PRKD1: variants seen among roughly 807,000 people sequenced by gnomAD.
PRKD1 encodes the protein protein kinase D1.
In PRKD1, 63 loss-of-function variants were observed where a neutral mutation model predicts 95.9. The observed-to-expected ratio is 0.66, with a 90% confidence interval of 0.54 to 0.81. The LOEUF (loss-of-function observed/expected upper bound fraction) is 0.81, where lower values mean the gene tolerates loss of function less well. PRKD1 is among the 30% of genes least tolerant of loss of function. The pLI, the probability that PRKD1 is intolerant of heterozygous loss-of-function variation, is 0.00. For synonymous variants in PRKD1, 425 were observed against 423.1 expected, an observed-to-expected ratio of 1.00 and a Z score of -0.05; for missense variants, 1,048 against 1,165.3, an observed-to-expected ratio of 0.90 and a Z score of 1.47.
At chr14:29,888,920 G>C (rs1331107310) in intron 1 of PRKD1, among the ~76,000 whole-genome samples, 2 of 152,146 alleles carry the variant, frequency 1.3e-5, no homozygotes, top group African/African-American at 4.8e-5. Context: ...GAGTAAAGCT[G>C]GGCAAAGCTA....
In PRKD1 at chr14:29,578,621, T is replaced by A. The variant is rs1040677415; in HGVS notation, c.2435-261A>T. On this transcript the variant is annotated intron_variant, in intron 16 of 17. Transcript: ENST00000331968. The stretch of plus-strand genomic sequence containing the variant: ...AGAAGTATTAGAGTCTATTGTATGA[T>A]ATGAATTTCAATTGGTCTACTCTTT... 4.7e-5 allele frequency among the ~76,000 whole-genome samples: 7 copies of A among 150,160 alleles called. No individual in the cohort carries two copies. The East Asian group carries it at 1.4e-3, about 29-fold the overall frequency.
chr14:29,663,148 C>CATATATATAT (rs61506580), intron 4 of PRKD1, among the ~76,000 whole-genome samples: 15,382 of 131,204 alleles, frequency 0.12, 973 homozygotes, highest in Admixed American at 0.14. Flanking sequence ...AATATTCTTC[C>CATATATATAT]ATATATATAT....
chr14:29,746,788 T>C (rs1030038676), intron 1 of PRKD1, among the ~76,000 whole-genome samples: 10 of 152,304 alleles, frequency 6.6e-5, no homozygotes, highest in African/African-American at 2.4e-4. Context: ...CCTATTTTGA[T>C]ACCAACATTA....
At chr14:29,884,221 A>T (rs1171649516) in intron 1 of PRKD1, among the ~76,000 whole-genome samples, 1 of 152,222 alleles carries the variant, frequency 6.6e-6, no homozygotes, top group Non-Finnish European at 1.5e-5. Flanking sequence ...TGCAATTTGT[A>T]TACAATTTTT....
intron 1 of PRKD1, among the ~76,000 whole-genome samples, chr14:29,886,997 T>C (rs1460576157): frequency 3.3e-5 from 5 of 152,234 alleles, no homozygotes; most frequent in African/African-American, 1.2e-4. Context: ...AAGGAACTTG[T>C]GCACATCTCA....
chr14:29,829,587 C>A (rs551329023), intron 1 of PRKD1, among the ~76,000 whole-genome samples: 1 of 152,156 alleles, frequency 6.6e-6, no homozygotes, highest in Non-Finnish European at 1.5e-5. Context: ...TTGTTTCTAG[C>A]TACTCTTGAT....
chr14:29,632,358 T>C (rs1414694151), intron 9 of PRKD1, among the ~76,000 whole-genome samples: 1 of 151,968 alleles, frequency 6.6e-6, no homozygotes, highest in African/African-American at 2.4e-5. Flanking sequence ...AGTTGTGTTT[T>C]ACTGGGTGAT....
At chr14:29,579,234 A>G (rs1047564792) in intron 16 of PRKD1, among the ~76,000 whole-genome samples, 1 of 152,002 alleles carries the variant, frequency 6.6e-6, no homozygotes, top group Non-Finnish European at 1.5e-5. Flanking sequence ...TACGTCATTA[A>G]TAGTTCATTA....
chr14:29,838,039 T>C (rs988339983), intron 1 of PRKD1, among the ~76,000 whole-genome samples: 1 of 152,182 alleles, frequency 6.6e-6, no homozygotes, highest in Non-Finnish European at 1.5e-5. Context: ...CACGAAACTG[T>C]ACAGCACAAA....
chr14:29,696,066 T>C (rs1489984795), intron 2 of PRKD1, among the ~76,000 whole-genome samples: 1 of 152,218 alleles, frequency 6.6e-6, no homozygotes, highest in East Asian at 1.9e-4. Context: ...TTGCAATTTC[T>C]GAAAGATAAA....
chr14:29,826,700 CATATATACACATATATATAT>C (rs1594554048), intron 1 of PRKD1, among the ~76,000 whole-genome samples: 86 of 28,680 alleles, frequency 3.0e-3, no homozygotes, highest in East Asian at 5.8e-3. Flanking sequence ...CATATATATA[CATATATACACATATATATAT>C]ACATATATAT....
At chr14:29,841,618 T>C (rs1229312141) in intron 1 of PRKD1, among the ~76,000 whole-genome samples, 1 of 152,216 alleles carries the variant, frequency 6.6e-6, no homozygotes, top group Non-Finnish European at 1.5e-5. Flanking sequence ...GCCATGATTA[T>C]GAGGCCTCCC....
intron 16 of PRKD1, among the ~76,000 whole-genome samples, chr14:29,581,925 T>G (rs747688796): frequency 4.6e-5 from 7 of 152,200 alleles, no homozygotes; most frequent in Admixed American, 1.3e-4. Context: ...CCAGGCCTAT[T>G]AATTATTCTT....
intron 1 of PRKD1, among the ~76,000 whole-genome samples, chr14:29,868,719 G>A (rs1160120067): frequency 2.6e-5 from 4 of 152,070 alleles, no homozygotes; most frequent in Non-Finnish European, 5.9e-5. Flanking sequence ...TTTTTAAAAA[G>A]CAAAAATTGA....
At position 29,725,625 on chromosome 14, in the gene PRKD1, C is replaced by A; in HGVS notation, c.314G>T (p.Arg105Leu). 1 of 1,613,270 alleles carries A rather than the reference C, an allele frequency of 6.2e-7. No individual in the cohort carries two copies. The highest frequency in any genetic ancestry group is 8.5e-7 in the Non-Finnish European group (1 of 1,179,554). ...YGMYDKILLF[R>L]HDPTSENILQ... ...GATGTTTTCAGAGGTAGGGTCATGG[C>A]GAAAAAGCAGGATCTTATCATACAT... Residue 105 changes from arginine to leucine, a missense_variant, in exon 2 of 18, where the codon CGC becomes CTC. Arg to Leu is a moderately radical substitution (Grantham distance 102). Transcript: ENST00000331968.
At chr14:29,883,130 G>A (rs1022740188) in intron 1 of PRKD1, among the ~76,000 whole-genome samples, 52 of 152,268 alleles carry the variant, frequency 3.4e-4, no homozygotes, top group Middle Eastern at 3.4e-3. Flanking sequence ...GTGAAAGCAG[G>A]AGCAAGAGAG....
chr14:29,599,468 T>C (rs1893433011), intron 14 of PRKD1, among the ~76,000 whole-genome samples, 188 bp downstream of exon 14: 1 of 152,176 alleles, frequency 6.6e-6, no homozygotes, highest in African/African-American at 2.4e-5. Flanking sequence ...TGTTACTAAT[T>C]TGGTACACTG....
In PRKD1 at chr14:29,672,258, G is replaced by A. The variant is rs962010412; in HGVS notation, c.404-6050C>T. Among the ~76,000 whole-genome samples, 6 of 151,742 alleles carry A rather than the reference G, an allele frequency of 4.0e-5. No individual in the cohort carries two copies. The East Asian group carries it at 1.2e-3, about 29-fold the overall frequency. On this transcript the variant is annotated intron_variant, in intron 2 of 17. Coordinates refer to ENST00000331968, the MANE Select transcript of PRKD1 (RefSeq NM_002742.3). ...TGGGAGGCTGAGGCAGGAGAATGGC[G>A]TGAACTTGGGAGGCAGAGCTTGCAG...
intron 13 of PRKD1, among the ~76,000 whole-genome samples, chr14:29,623,703 G>A (rs1879429840): frequency 6.6e-6 from 1 of 152,176 alleles, no homozygotes; most frequent in Admixed American, 6.5e-5. Flanking sequence ...AAGGCTTACA[G>A]TGAGAGACAA....
Sources: allele counts gnomAD v4.1 joint callset (sites outside exome capture counted in the v4.1 genomes callset), GRCh38; gene constraint gnomAD v4.1.1; transcripts MANE v1.5; gene names NCBI Gene and HGNC (gene_info 2026-07-23, HGNC 2026-07-21).